Variants in CDH12 observed in about 807,000 individuals in gnomAD.
The protein encoded by CDH12 is cadherin 12.
Under a neutral mutation model 74.1 loss-of-function variants are expected in CDH12, and 41 were observed. The observed-to-expected ratio is 0.55, with a 90% CI of 0.43 to 0.72. The LOEUF (loss-of-function observed/expected upper bound fraction) is 0.72. CDH12 is among the 30% of genes least tolerant of loss of function. CDH12 has a pLI of 0.00. For missense variants in CDH12, 945 were observed against 977.2 expected, an observed-to-expected ratio of 0.97 and a Z score of 0.44; for synonymous variants, 399 against 355.0, an observed-to-expected ratio of 1.12 and a Z score of -1.39.
chr5:22,825,277 T>C (rs887039724), intron 1 of CDH12, among the ~76,000 whole-genome samples: 3 of 147,964 alleles, frequency 2.0e-5, no homozygotes, highest in Non-Finnish European at 4.5e-5. Flanking sequence ...CTTACACATA[T>C]ATAATTTTTT....
intron 4 of CDH12, among the ~76,000 whole-genome samples, chr5:22,185,198 TC>T (rs1293588094): frequency 7.4e-5 from 7 of 94,464 alleles, no homozygotes; most frequent in African/African-American, 2.5e-4. Flanking sequence ...TCTCTCTCTC[TC>T]TTTTTTTTTT....
At chr5:22,281,796 G>T (rs1189249427) in intron 3 of CDH12, among the ~76,000 whole-genome samples, 1 of 152,146 alleles carries the variant, frequency 6.6e-6, no homozygotes, top group Non-Finnish European at 1.5e-5. Flanking sequence ...TGGCCATACT[G>T]CCCAAAGGAA....
chr5:22,568,364 A>G (rs1052772721), intron 1 of CDH12, among the ~76,000 whole-genome samples: 1 of 152,236 alleles, frequency 6.6e-6, no homozygotes, highest in Non-Finnish European at 1.5e-5. Flanking sequence ...ATATATGTAG[A>G]AAAAGAATGA....
chr5:21,800,225 A>G (rs1747034811), intron 10 of CDH12, among the ~76,000 whole-genome samples: 1 of 152,156 alleles, frequency 6.6e-6, no homozygotes, highest in Admixed American at 6.6e-5. Context: ...TGTTTGGCTT[A>G]GATGATATTT....
chr5:22,746,702 A>T (rs1259008053), intron 1 of CDH12, among the ~76,000 whole-genome samples: 1 of 152,214 alleles, frequency 6.6e-6, no homozygotes, highest in African/African-American at 2.4e-5. Context: ...TGTCACTGCA[A>T]TGTATTAAAT....
At chr5:22,119,288 T>A (rs72742009) in intron 4 of CDH12, among the ~76,000 whole-genome samples, 1 of 118,716 alleles carries the variant, frequency 8.4e-6, no homozygotes, top group South Asian at 2.9e-4. Flanking sequence ...CTACTTCGTT[T>A]TTTTTTTTTT....
intron 1 of CDH12, among the ~76,000 whole-genome samples, chr5:22,677,517 T>C (rs980121715): frequency 6.6e-6 from 1 of 152,086 alleles, no homozygotes; most frequent in Non-Finnish European, 1.5e-5. Context: ...AGAGTCCTCA[T>C]GACCAAATCA....
intron 6 of CDH12, among the ~76,000 whole-genome samples, chr5:21,869,071 G>A (rs569650900): frequency 2.0e-5 from 3 of 152,210 alleles, no homozygotes; most frequent in Admixed American, 1.3e-4. Context: ...TCAAAGCTAA[G>A]ACTGCCACCA....
intron 4 of CDH12, among the ~76,000 whole-genome samples, chr5:22,173,310 C>A (rs1212369948): frequency 3.5e-5 from 5 of 144,466 alleles, no homozygotes; most frequent in Admixed American, 2.8e-4. Flanking sequence ...ATATAATTTA[C>A]ATTTTATAAA....
At chr5:21,802,511 T>G in intron 9 of CDH12, 91 bp from the exon 10 acceptor site, 1 of 1,062,826 alleles carries the variant, frequency 9.4e-7, no homozygotes, top group Non-Finnish European at 1.4e-6. Context: ...TTGCAAGTTA[T>G]TATCAATTAT....
intron 6 of CDH12, among the ~76,000 whole-genome samples, chr5:21,855,800 T>C (rs1264604141): frequency 2.6e-5 from 4 of 151,698 alleles, no homozygotes; most frequent in Admixed American, 6.6e-5. Context: ...CAGCCTTTTC[T>C]CTAAGAGTAC....
intron 3 of CDH12, among the ~76,000 whole-genome samples, chr5:22,251,421 A>T (rs979827837): frequency 3.3e-5 from 5 of 152,212 alleles, no homozygotes; most frequent in African/African-American, 9.6e-5. Flanking sequence ...ACACCAGTGT[A>T]CACTGGAATT....
At chr5:22,814,814 A>G (rs2126458279) in intron 1 of CDH12, among the ~76,000 whole-genome samples, 1 of 152,340 alleles carries the variant, frequency 6.6e-6, no homozygotes, top group African/African-American at 2.4e-5. Flanking sequence ...TACCATGTAC[A>G]ATGATTAATA....
intron 1 of CDH12, among the ~76,000 whole-genome samples, chr5:22,590,805 T>C (rs1294597473): frequency 6.6e-6 from 1 of 152,210 alleles, no homozygotes; most frequent in African/African-American, 2.4e-5. Flanking sequence ...AGGTCTGTTC[T>C]ATTGCACAGG....
At chr5:22,766,990 C>T (rs1371252651) in intron 1 of CDH12, among the ~76,000 whole-genome samples, 1 of 151,948 alleles carries the variant, frequency 6.6e-6, no homozygotes, top group African/African-American at 2.4e-5. Context: ...GTGGTAGGTA[C>T]ACAGTAATCA....
In CDH12 at chr5:22,678,476, A is replaced by G. The variant is rs1741327565; in HGVS notation, c.-522-173112T>C. On this transcript the variant is annotated intron_variant, in intron 1 of 14. Coordinates refer to ENST00000382254, the MANE Select transcript of CDH12 (RefSeq NM_004061.5). ...CAAATCATATGAATCAAGGATTCAT[A>G]AAGAATGAATGAATGGTATATAATG... Among the ~76,000 whole-genome samples, 4 of 152,210 alleles carry G rather than the reference A, an allele frequency of 2.6e-5. No individual in the cohort carries two copies. In the South Asian group the frequency reaches 6.2e-4, roughly 24 times the overall value.
chr5:21,957,329 G>A (rs1216399193), intron 6 of CDH12, among the ~76,000 whole-genome samples: 2 of 152,110 alleles, frequency 1.3e-5, no homozygotes, highest in Non-Finnish European at 2.9e-5. Flanking sequence ...TGAGCATTGA[G>A]GTGGATTCTA....
At chr5:21,814,035 A>G (rs1194409987) in intron 9 of CDH12, among the ~76,000 whole-genome samples, 1 of 152,056 alleles carries the variant, frequency 6.6e-6, no homozygotes, top group Non-Finnish European at 1.5e-5. Flanking sequence ...CTTCCAAAAT[A>G]CCTGTTGAAT....
chr5:22,280,014 T>G (rs1403342292), intron 3 of CDH12, among the ~76,000 whole-genome samples: 1 of 152,202 alleles, frequency 6.6e-6, no homozygotes, highest in Non-Finnish European at 1.5e-5. Context: ...GTGTTCCTAT[T>G]TCTCCACATC....
Sources: allele counts gnomAD v4.1 joint callset (sites outside exome capture counted in the v4.1 genomes callset), GRCh38; gene constraint gnomAD v4.1.1; transcripts MANE v1.5; gene names NCBI Gene and HGNC (gene_info 2026-07-23, HGNC 2026-07-21).